ACOXL: variants seen among roughly 807,000 people sequenced by gnomAD.
ACOXL encodes acyl-CoA oxidase like.
Under a neutral mutation model 71.9 loss-of-function variants are expected in ACOXL, and 70 were observed. The ratio of observed to expected loss-of-function variants is 0.97; its 90% CI spans 0.80 to 1.19. The LOEUF (loss-of-function observed/expected upper bound fraction) is 1.19. Ranked by LOEUF, ACOXL falls within the 50% of genes most tolerant of loss-of-function variation. ACOXL has a pLI of 0.00. For missense variants in ACOXL, 703 were observed against 736.3 expected (o/e 0.95, Z 0.52); for synonymous variants, 253 against 281.6 (o/e 0.90, Z 1.02).
At chr2:110,815,373 C>T (rs1385390499) in intron 9 of ACOXL, among the ~76,000 whole-genome samples, 3 of 152,184 alleles carry the variant, frequency 2.0e-5, no homozygotes, top group Non-Finnish European at 2.9e-5. Context: ...GCTTCTTGAT[C>T]ATTTTGTCTA....
At chr2:111,091,685 C>T (rs2068531336) in intron 16 of ACOXL, among the ~76,000 whole-genome samples, 1 of 152,226 alleles carries the variant, frequency 6.6e-6, no homozygotes, top group African/African-American at 2.4e-5. Flanking sequence ...CCAAAGGGCA[C>T]TTAATCTGGC....
intron 1 of ACOXL, among the ~76,000 whole-genome samples, chr2:110,744,871 A>AT (rs946014655): frequency 6.6e-6 from 1 of 152,142 alleles, no homozygotes; most frequent in Admixed American, 6.5e-5. Flanking sequence ...TGGTGCAGCC[A>AT]TTTTGTCATT....
intron 1 of ACOXL, among the ~76,000 whole-genome samples, chr2:110,736,435 A>G (rs1019151062): frequency 1.3e-5 from 2 of 151,906 alleles, no homozygotes; most frequent in African/African-American, 4.8e-5. Flanking sequence ...TCTGTCTCTC[A>G]GCATCTGACT....
rs918926850 is a variant in ACOXL, at chr2:110,848,168, T to C, written c.788+6763T>C. Among the ~76,000 whole-genome samples, 4 of 152,224 alleles carry C rather than the reference T, an allele frequency of 2.6e-5. No individual in the cohort carries two copies. In the East Asian group the frequency reaches 5.8e-4, roughly 22 times the overall value. On this transcript the variant is annotated intron_variant, in intron 10 of 17. Transcript: ENST00000439055. ...CTCCCATTTGGGGCTGGTTTGATCT[T>C]GTGGAGACAGCTGAGGAGACCGTTT...
intron 12 of ACOXL, among the ~76,000 whole-genome samples, chr2:110,973,697 T>C (rs930377984): frequency 6.6e-6 from 1 of 152,120 alleles, no homozygotes; most frequent in Non-Finnish European, 1.5e-5. Context: ...TGGATGACCG[T>C]GGAGAGACAC....
At chr2:110,979,698 G>A (rs17041670) in intron 12 of ACOXL, among the ~76,000 whole-genome samples, 42,331 of 151,860 alleles carry the variant, frequency 0.28, 6,661 homozygotes, top group African/African-American at 0.41. Context: ...TAGGCCCACA[G>A]CAGGGATCAC....
chr2:110,939,320 A>G (rs916393405), intron 12 of ACOXL, among the ~76,000 whole-genome samples: 4 of 152,242 alleles, frequency 2.6e-5, no homozygotes, highest in African/African-American at 7.2e-5. Context: ...GAAAAGCACA[A>G]AAAAGTAAAT....
intron 12 of ACOXL, among the ~76,000 whole-genome samples, chr2:110,980,112 G>A (rs1437858434): frequency 2.0e-5 from 3 of 152,200 alleles, no homozygotes; most frequent in African/African-American, 7.2e-5. Flanking sequence ...CACCCACATT[G>A]AGGAACTGTG....
chr2:110,750,988 A>G (rs942118933), intron 1 of ACOXL, among the ~76,000 whole-genome samples: 39 of 152,048 alleles, frequency 2.6e-4, no homozygotes, highest in Middle Eastern at 3.4e-3. Context: ...CCTGGCCCCA[A>G]CACTTTATAT....
intron 10 of ACOXL, among the ~76,000 whole-genome samples, chr2:110,899,350 T>C (rs2059137848): frequency 6.6e-6 from 1 of 152,190 alleles, no homozygotes; most frequent in Non-Finnish European, 1.5e-5. Flanking sequence ...TGGAGAATGT[T>C]GGGGTTCTGC....
chr2:110,758,098 T>C (rs1679927770), intron 1 of ACOXL, among the ~76,000 whole-genome samples: 1 of 152,182 alleles, frequency 6.6e-6, no homozygotes. Context: ...CTAGTTTTAA[T>C]TTTCTGCCTA....
At position 110,949,806 on chromosome 2, in the gene ACOXL, C is replaced by G. The variant is rs190644996; in HGVS notation, c.1059+16164C>G. Among the ~76,000 whole-genome samples, 598 of 152,186 alleles carry G rather than the reference C, an allele frequency of 3.9e-3. 4 individuals are homozygous for G. Among genetic ancestry groups the G allele is most frequent in the Middle Eastern group, 0.024 (7 of 294 alleles). On this transcript the variant is annotated intron_variant, in intron 12 of 17. Transcript: ENST00000439055. ...TTTCCCATGGAAGGACGAACAAGGC[C>G]AGAAGTGAGATGTTATTTCTCCAAA...
At chr2:110,930,918 G>A (rs1317683385) in intron 11 of ACOXL, among the ~76,000 whole-genome samples, 2 of 152,132 alleles carry the variant, frequency 1.3e-5, no homozygotes, top group Admixed American at 6.5e-5. Flanking sequence ...CCAGTGTCAG[G>A]TATGTCTTTA....
At chr2:111,018,342 C>G (rs902261708) in intron 14 of ACOXL, among the ~76,000 whole-genome samples, 1 of 152,170 alleles carries the variant, frequency 6.6e-6, no homozygotes, top group African/African-American at 2.4e-5. Context: ...GCAGAGCGTG[C>G]CCTGTCCTAT....
intron 16 of ACOXL, among the ~76,000 whole-genome samples, chr2:111,076,414 A>G (rs1391925654): frequency 6.6e-6 from 1 of 152,078 alleles, no homozygotes; most frequent in Non-Finnish European, 1.5e-5. Flanking sequence ...TAAATACTGC[A>G]GGCTTATTTG....
chr2:110,748,588 G>A (rs951959912), intron 1 of ACOXL, among the ~76,000 whole-genome samples: 1 of 152,314 alleles, frequency 6.6e-6, no homozygotes, highest in South Asian at 2.1e-4. Flanking sequence ...TTCAGAGCTT[G>A]CAGTGTTTGC....
chr2:110,768,492 TTGTGTGTGTG>T, intron 2 of ACOXL, 28 bp downstream of exon 2: 4 of 1,279,830 alleles, frequency 3.1e-6, no homozygotes, highest in Non-Finnish European at 4.3e-6. Context: ...TCTGGTATGG[TTGTGTGTGTG>T]TGTGTGTGTG....
chr2:111,060,057 C>T (rs1284859547), intron 16 of ACOXL, among the ~76,000 whole-genome samples: 1 of 152,178 alleles, frequency 6.6e-6, no homozygotes, highest in Non-Finnish European at 1.5e-5. Flanking sequence ...GCAGACTCCA[C>T]ACTCACGAGA....
chr2:111,081,793 C>G (rs1247569950), intron 16 of ACOXL, among the ~76,000 whole-genome samples: 1 of 152,158 alleles, frequency 6.6e-6, no homozygotes, highest in East Asian at 1.9e-4. Flanking sequence ...CTACAGTAAC[C>G]AAAACAGCAT....
Sources: gnomAD v4.1 joint callset for allele counts (sites outside exome capture counted in the v4.1 genomes callset) on GRCh38, gnomAD v4.1.1 for gene constraint, MANE v1.5 for transcripts, NCBI Gene and HGNC (gene_info 2026-07-23, HGNC 2026-07-21) for gene names.